MYOM3: variants seen among roughly 807,000 people sequenced by gnomAD.
MYOM3 encodes myomesin 3.
In MYOM3, 155 loss-of-function variants were observed where a neutral mutation model predicts 191.7. The observed-to-expected ratio is 0.81, with a 90% CI of 0.71 to 0.92. MYOM3 has a LOEUF of 0.92. Ranked by LOEUF, MYOM3 falls within the 40% of genes least tolerant of loss-of-function variation. The pLI, the probability that MYOM3 is intolerant of heterozygous loss-of-function variation, is 0.00. For missense variants in MYOM3, 1,889 were observed against 1,890.6 expected (o/e 1.00, Z 0.02); for synonymous variants, 757 against 762.9 (o/e 0.99, Z 0.13).
chr1:24,108,772 G>A, intron 1 of MYOM3, 118 bp from the exon 2 acceptor site: 1 of 692,270 alleles, frequency 1.4e-6, no homozygotes, highest in Non-Finnish European at 2.3e-6. Context: ...CCTCTCTGCA[G>A]TCGGCAGACA....
Position 24,108,084 on chromosome 1 carries a change from A to G in MYOM3, c.162-11T>C. 2 of 1,612,614 alleles carry G rather than the reference A, an allele frequency of 1.2e-6. No homozygotes were observed. The highest frequency in any genetic ancestry group is 1.7e-6 in the Non-Finnish European group (2 of 1,179,248). On this transcript the variant is annotated splice_polypyrimidine_tract_variant and intron_variant, in intron 2 of 36. Coordinates refer to ENST00000374434, the MANE Select transcript of MYOM3 (RefSeq NM_152372.4). ...TCATGCTCTTCTTCGCTGCTCCCAGAAGGAGGGGAGTAAATGGCTCTTGCA... is the reference window on the plus strand; with the variant it reads ...TCATGCTCTTCTTCGCTGCTCCCAGGAGGAGGGGAGTAAATGGCTCTTGCA...
At chr1:24,077,531 GC>G (rs1284228773) in intron 20 of MYOM3, among the ~76,000 whole-genome samples, 1 of 152,148 alleles carries the variant, frequency 6.6e-6, no homozygotes, top group Non-Finnish European at 1.5e-5. Flanking sequence ...TGTAGCCTGT[GC>G]TTCATCACCC....
intron 20 of MYOM3, among the ~76,000 whole-genome samples, chr1:24,077,282 T>G (rs1156711196): frequency 6.6e-6 from 1 of 152,212 alleles, no homozygotes; most frequent in Non-Finnish European, 1.5e-5. Context: ...TCTGCCAATC[T>G]GATGATGTGT....
At chr1:24,081,658 G>A (rs1050181412) in intron 18 of MYOM3, 1 of 630,084 alleles carries the variant, frequency 1.6e-6, no homozygotes, top group East Asian at 2.8e-5. Flanking sequence ...AACCTTCTGG[G>A]CTCATGCAGT....
chr1:24,093,074 G>C lies in MYOM3; in HGVS notation c.963C>G (p.Ile321Met). ...GGGATGCCTGGCGGTCTGTGTAGAG[G>C]ATCTTCCGACGTCTCGAGGACCTCA... The part of the protein sequence containing the change: ...SLLRSSRRRK[I>M]LYTDRQASLK... The change falls in exon 10 of 37, where the codon ATC (isoleucine) becomes ATG (methionine). Residue 321 changes from isoleucine to methionine, a missense_variant. Coordinates refer to ENST00000374434, the MANE Select transcript of MYOM3 (RefSeq NM_152372.4). The C allele has an allele frequency of 6.2e-7, 1 of 1,612,158 alleles. No homozygotes were observed. The highest frequency in any genetic ancestry group is 1.3e-5 in the African/African-American group (1 of 75,016).
chr1:24,095,314 A>G (rs11249142), intron 8 of MYOM3, 128 bp downstream of exon 8: 332,202 of 930,146 alleles, frequency 0.36, 64,990 homozygotes, highest in Non-Finnish European at 0.4. Context: ...TTACCAGCTC[A>G]TAGACAAACC....
intron 23 of MYOM3, among the ~76,000 whole-genome samples, chr1:24,073,301 A>G (rs533829844): frequency 6.6e-6 from 1 of 152,318 alleles, no homozygotes; most frequent in East Asian, 1.9e-4. Flanking sequence ...AGGGTAGACA[A>G]TGGGCAAGGG....
chr1:24,066,324 T>C, intron 28 of MYOM3: 1 of 675,486 alleles, frequency 1.5e-6, no homozygotes, highest in Non-Finnish European at 2.7e-6. Context: ...GCATGAGGGA[T>C]GCTGTTTTCC....
intron 3 of MYOM3, among the ~76,000 whole-genome samples, chr1:24,107,446 C>T (rs953892432): frequency 6.6e-6 from 1 of 152,240 alleles, no homozygotes; most frequent in Admixed American, 6.5e-5. Flanking sequence ...GTTTTCAAGG[C>T]TCTTTCACAA....
chr1:24,089,835 A>C (rs1227502989), intron 13 of MYOM3, among the ~76,000 whole-genome samples, 170 bp from the exon 14 acceptor site: 1 of 152,170 alleles, frequency 6.6e-6, no homozygotes, highest in East Asian at 1.9e-4. Flanking sequence ...GCTAGAACCC[A>C]GGTCTCCCAC....
chr1:24,082,357 T>C (rs1229885360), intron 17 of MYOM3, 169 bp from the exon 18 acceptor site: 2 of 857,528 alleles, frequency 2.3e-6, no homozygotes, highest in Admixed American at 6.1e-5. Context: ...GAGCCTCAGG[T>C]TTCTGGGTCT....
In MYOM3 at chr1:24,063,587, A is replaced by G. The variant is rs1643399212; in HGVS notation, c.3623-57T>C. 4 of 1,600,614 alleles carry G rather than the reference A, an allele frequency of 2.5e-6. No homozygotes were observed. The highest frequency in any genetic ancestry group is 3.4e-6 in the Non-Finnish European group (4 of 1,168,316). On this transcript the variant is annotated intron_variant, in intron 30 of 36. Coordinates refer to ENST00000374434, the MANE Select transcript of MYOM3 (RefSeq NM_152372.4). The surrounding 1 kb of genome is among the most constrained non-coding windows in gnomAD (Gnocchi z 4.5). Reference sequence around the variant, plus strand: ...CATAGGGCTCCCCTAGGGATGTGCTAGGAGTGGGGACATCCTAGAAAAAGG... The same window carrying G: ...CATAGGGCTCCCCTAGGGATGTGCTGGGAGTGGGGACATCCTAGAAAAAGG...
intron 11 of MYOM3, 143 bp from the exon 12 acceptor site, chr1:24,091,139 G>T: frequency 1.0e-6 from 1 of 996,556 alleles, no homozygotes; most frequent in Non-Finnish European, 1.4e-6. Flanking sequence ...CAATGGAAGA[G>T]CCTGGCTCCA....
At chr1:24,089,461 C>A in intron 14 of MYOM3, 77 bp downstream of exon 14, 1 of 1,489,382 alleles carries the variant, frequency 6.7e-7, no homozygotes, top group Non-Finnish European at 8.9e-7. Context: ...ACGGCCTCCC[C>A]AGGGGACACT....
chr1:24,105,988 G>T lies in MYOM3; in HGVS notation c.492C>A (p.Ala164=). 6.2e-7 allele frequency: 1 copy of T among 1,613,896 alleles called. No individual in the cohort carries two copies. Among genetic ancestry groups the T allele is most frequent in the Non-Finnish European group, 8.5e-7 (1 of 1,179,922 alleles). ...PWFWIPLRSH[A]VWEHTTVLLT... ...GCAGGACCGTGGTGTGCTCCCAGAC[G>T]GCGTGGGAGCGAAGAGGGATCCAGA... The change falls in exon 5 of 37, where the codon GCC becomes GCA. Residue 164 remains alanine, a synonymous_variant. Coordinates refer to ENST00000374434, the MANE Select transcript of MYOM3 (RefSeq NM_152372.4).
Position 24,108,466 on chromosome 1 carries a change from T to C in MYOM3, c.161+10A>G, listed in dbSNP as rs369313595. 162 of 1,545,634 alleles carry C rather than the reference T, an allele frequency of 1.0e-4. No individual in the cohort carries two copies. Among genetic ancestry groups the C allele is most frequent in the Non-Finnish European group, 1.3e-4 (153 of 1,144,148 alleles). Reference sequence around the variant, plus strand: ...GGGCAGTGGCTGGGCGGGGACCCTGTGGCTCCCACCTGCTGCGGAAGGTCC... The same window carrying C: ...GGGCAGTGGCTGGGCGGGGACCCTGCGGCTCCCACCTGCTGCGGAAGGTCC... On this transcript the variant is annotated intron_variant, in intron 2 of 36. Coordinates refer to ENST00000374434, the MANE Select transcript of MYOM3 (RefSeq NM_152372.4).
intron 36 of MYOM3, 115 bp from the exon 37 acceptor site, chr1:24,057,742 A>G (rs1028037513): frequency 7.7e-6 from 6 of 780,126 alleles, no homozygotes; most frequent in Non-Finnish European, 1.0e-5. Context: ...ATAATTTAGT[A>G]CATGTGTTTT....
chr1:24,071,390 G>A (rs922623772), intron 24 of MYOM3, 137 bp from the exon 25 acceptor site: 1 of 1,016,300 alleles, frequency 9.8e-7, no homozygotes, highest in East Asian at 2.7e-5. Flanking sequence ...TGTACTGGGT[G>A]GGGCTCAGAG....
intron 20 of MYOM3, among the ~76,000 whole-genome samples, chr1:24,078,567 A>G (rs1643630084): frequency 6.6e-6 from 1 of 152,148 alleles, no homozygotes; most frequent in Admixed American, 6.5e-5. Flanking sequence ...TGAAATGTTG[A>G]TGAATGGGTT....
Sources: gnomAD v4.1 joint callset for allele counts (sites outside exome capture counted in the v4.1 genomes callset) on GRCh38, gnomAD v4.1.1 for gene constraint, Gnocchi (gnomAD v3.1) non-coding constraint, MANE v1.5 for transcripts, NCBI Gene and HGNC (gene_info 2026-07-23, HGNC 2026-07-21) for gene names.